Variants in NSUN5 observed in about 807,000 individuals in gnomAD.
NSUN5 encodes 28S rRNA (cytosine-C(5))-methyltransferase.
NSUN5 carries 39 observed loss-of-function variants against 51.1 expected under a neutral mutation model. The observed-to-expected ratio is 0.76, with a 90% confidence interval of 0.59 to 1.00. NSUN5 has a LOEUF of 1.00. NSUN5 is among the 50% of genes least tolerant of loss of function. NSUN5 has a pLI of 0.00. For missense variants in NSUN5, 526 were observed against 614.0 expected, an observed-to-expected ratio of 0.86 and a Z score of 1.51; for synonymous variants, 266 against 271.5, an observed-to-expected ratio of 0.98 and a Z score of 0.20.
chr7:73,303,375 C>T lies in NSUN5; in HGVS notation c.*40G>A, dbSNP rs782658053. ...GGTCCTCCACGGAGAGGACAGGCAT[C>T]TTCCTTTCCCACCAGGAAGGAGTCA... is the stretch of plus-strand genomic sequence containing the variant. On this transcript the variant is annotated 3_prime_UTR_variant, in exon 10 of 10. Transcript: ENST00000438747. The T allele has an allele frequency of 6.2e-7, 1 of 1,614,054 alleles. No individual in the cohort carries two copies. The highest frequency in any genetic ancestry group is 8.5e-7 in the Non-Finnish European group (1 of 1,179,920).
Position 73,304,636 on chromosome 7 carries a change from C to T in NSUN5, c.755+111G>A, listed in dbSNP as rs1803958864. 16 of 1,029,482 alleles carry T rather than the reference C, an allele frequency of 1.6e-5. No homozygotes were observed. The South Asian group carries it at 2.1e-4, about 14-fold the overall frequency. The allele number at this position is 1,029,482 out of a possible 1,614,324, so 63.8% of individuals were successfully genotyped here. ...AGCTTGGGGCAAATACCGTGAACTG[C>T]TTTGGTGCAGCAAGAAAGACTTAAG... is the stretch of plus-strand genomic sequence containing the variant. On this transcript the variant is annotated intron_variant, in intron 6 of 9. Transcript: ENST00000438747.
At chr7:73,305,311 T>C (rs1554541681) in intron 4 of NSUN5, among the ~76,000 whole-genome samples, 5 of 152,176 alleles carry the variant, frequency 3.3e-5, no homozygotes. Context: ...AGTGGGAGCC[T>C]GGGCAAATGA....
rs559748496 is a variant in NSUN5 at position 73,304,338 on chromosome 7, C to T, written c.826G>A (p.Val276Ile). The change falls in exon 7 of 10, where the codon GTC (valine) becomes ATC (isoleucine). Residue 276 changes from valine (V) to isoleucine (I), a missense_variant. Coordinates refer to ENST00000438747, the MANE Select transcript of NSUN5 (RefSeq NM_148956.4). ...TCCTCAGCCAGTTCACAGCAAGAGA[C>T]GCCAGCCCGGGCCAGCAGCGTGGCC... ...SMATLLARAG[V>I]SCCELAEEDF... The T allele has an allele frequency of 3.5e-5, 56 of 1,614,140 alleles. No individual in the cohort carries two copies. The highest frequency in any genetic ancestry group is 4.5e-5 in the East Asian group (2 of 44,876).
In NSUN5 at chr7:73,307,652, G is replaced by T. The variant is rs141373222; in HGVS notation, c.322C>A (p.Arg108=). 5 of 1,609,082 alleles carry T rather than the reference G, an allele frequency of 3.1e-6. No individual in the cohort carries two copies. The South Asian group carries it at 5.5e-5, about 18-fold the overall frequency. The part of the protein sequence containing the change: ...HQARLKAELA[R]LKVHRGVSRN... Reference sequence around the variant, plus strand: ...CTCACACCCCGATGAACCTTGAGCCGAGCCAACTCAGCCTTGAGCCTCGCC... The same window carrying T: ...CTCACACCCCGATGAACCTTGAGCCTAGCCAACTCAGCCTTGAGCCTCGCC... Residue 108 remains arginine (R), a synonymous_variant, in exon 3 of 10, where the codon CGG becomes AGG. Transcript: ENST00000438747.
At chr7:73,304,705 G>C in intron 6 of NSUN5, 42 bp downstream of exon 6, 1 of 1,476,264 alleles carries the variant, frequency 6.8e-7, no homozygotes, top group Non-Finnish European at 9.5e-7. Flanking sequence ...GAAAGGCACA[G>C]AATCAAACCC....
chr7:73,303,143 C>T lies in NSUN5; in HGVS notation c.*272G>A. ...TCCATTACAAATAGAGACTTCATTC[C>T]TGTTGAGTCTAGTTGGAACTTTTAG... On this transcript the variant is annotated 3_prime_UTR_variant, in exon 10 of 10. Coordinates refer to ENST00000438747, the MANE Select transcript of NSUN5 (RefSeq NM_148956.4). 3.5e-6 allele frequency: 5 copies of T among 1,441,702 alleles called. No individual in the cohort carries two copies. Among genetic ancestry groups the T allele is most frequent in the Non-Finnish European group, 4.5e-6 (5 of 1,101,300 alleles). The allele number at this position is 1,441,702 out of a possible 1,614,324, so 89.3% of individuals were successfully genotyped here.
At chr7:73,306,111 C>T (rs1318088924) in intron 4 of NSUN5, among the ~76,000 whole-genome samples, 4 of 152,032 alleles carry the variant, frequency 2.6e-5, no homozygotes, top group Admixed American at 6.6e-5. Context: ...TGGCCGGGCA[C>T]GGTGACTCAC....
In NSUN5 at chr7:73,308,422, T is replaced by C; in HGVS notation, c.216+9A>G. 1 of 1,587,160 alleles carries C rather than the reference T, an allele frequency of 6.3e-7. No homozygotes were observed. Among genetic ancestry groups the C allele is most frequent in the Non-Finnish European group, 8.6e-7 (1 of 1,163,736 alleles). ...GGGGTTCACTTCCCCGTCCCTCCCC[T>C]CCCCTCACCTTGGCCAGGTGCGGCC... On this transcript the variant is annotated intron_variant, in intron 2 of 9. Transcript: ENST00000438747.
chr7:73,303,972 G>T lies in NSUN5; in HGVS notation c.999C>A (p.Ala333=), dbSNP rs1216230524. The change falls in exon 8 of 10, where the codon GCC becomes GCA. Residue 333 remains alanine (A), a synonymous_variant. Transcript: ENST00000438747. ...GGGCTCGCTGCTGGAACCCTGCCAG[G>T]GCATGCAGACGCACCGGGCTAGGTG... ...AGTPSPVRLH[A]LAGFQQRALC... is the part of the protein sequence containing the mutation. 6.2e-7 allele frequency: 1 copy of T among 1,614,052 alleles called. No homozygotes were observed. Among genetic ancestry groups the T allele is most frequent in the East Asian group, 2.2e-5 (1 of 44,892 alleles).
chr7:73,305,593 T>G (rs1472768309), intron 4 of NSUN5, among the ~76,000 whole-genome samples: 2 of 151,196 alleles, frequency 1.3e-5, no homozygotes, highest in African/African-American at 4.9e-5. Flanking sequence ...GCCTCCCGAG[T>G]AGCAGAAAAA....
chr7:73,303,589 C>A lies in NSUN5; in HGVS notation c.1286+11G>T. 6.2e-7 allele frequency: 1 copy of A among 1,614,218 alleles called. No individual in the cohort carries two copies. Among genetic ancestry groups the A allele is most frequent in the Non-Finnish European group, 8.5e-7 (1 of 1,180,034 alleles). ...ATCCTGCGCCTCCCAAGCACGCCCC[C>A]ACTCACTCACCTTGGCACCTCGACC... On this transcript the variant is annotated intron_variant, in intron 9 of 9. Coordinates refer to ENST00000438747, the MANE Select transcript of NSUN5 (RefSeq NM_148956.4).
At position 73,308,432 on chromosome 7, in the gene NSUN5, T is replaced by G; in HGVS notation, c.215A>C (p.Lys72Thr). ...TCCCCGTCCCTCCCCTCCCCTCACC[T>G]TGGCCAGGTGCGGCCGCAGCTTCTT... Reference protein sequence around the residue: ...AEKKLRPHLAKVLVYELLLGK... With the variant: ...AEKKLRPHLATVLVYELLLGK... The change falls in exon 2 of 10, where the codon AAG (lysine) becomes ACG (threonine). Residue 72 changes from lysine to threonine, a missense_variant and splice_region_variant. Physicochemically the swap from Lys to Thr is moderately conservative, Grantham distance 78 (BLOSUM62 -1). Transcript: ENST00000438747. The G allele has an allele frequency of 6.3e-7, 1 of 1,599,054 alleles. No individual in the cohort carries two copies. Among genetic ancestry groups the G allele is most frequent in the Non-Finnish European group, 8.5e-7 (1 of 1,170,786 alleles).
chr7:73,305,639 G>A (rs550550493), intron 4 of NSUN5, among the ~76,000 whole-genome samples: 17 of 152,048 alleles, frequency 1.1e-4, no homozygotes, highest in South Asian at 2.1e-4. Context: ...ATGCAGGGAG[G>A]TGAGAGCTGA....
intron 4 of NSUN5, among the ~76,000 whole-genome samples, chr7:73,307,183 A>G (rs1265172429): frequency 1.3e-5 from 2 of 152,146 alleles, no homozygotes; most frequent in African/African-American, 4.8e-5. Context: ...AAAGCTAGAG[A>G]AAAAACGGAG....
chr7:73,305,694 G>A (rs1804011445), intron 4 of NSUN5, among the ~76,000 whole-genome samples: 2 of 151,936 alleles, frequency 1.3e-5, no homozygotes, highest in South Asian at 2.1e-4. Context: ...AGGCGCTTAG[G>A]TTAAAACTAC....
At chr7:73,305,141 G>A (rs781971514) in intron 4 of NSUN5, 44 bp from the exon 5 acceptor site, 2 of 1,602,914 alleles carry the variant, frequency 1.2e-6, no homozygotes, top group Non-Finnish European at 8.5e-7. Context: ...ATTTCTCCCT[G>A]CCAGGCCCCA....
Position 73,307,522 on chromosome 7 carries a change from C to A in NSUN5, c.392-20G>T. ...GGGAGGCTACGTAGGACGCAATGAG[C>A]AGTGAGTAGGCAGGAGCAAAGTTCC... On this transcript the variant is annotated intron_variant, in intron 3 of 9. Coordinates refer to ENST00000438747, the MANE Select transcript of NSUN5 (RefSeq NM_148956.4). The A allele has an allele frequency of 6.2e-7, 1 of 1,613,892 alleles. No individual in the cohort carries two copies. The highest frequency in any genetic ancestry group is 8.5e-7 in the Non-Finnish European group (1 of 1,179,832).
At position 73,303,292 on chromosome 7, in the gene NSUN5, A is replaced by C; in HGVS notation, c.*123T>G. ...TTGCTCACCAGCAAGAACACAGCCC[A>C]AGGAAGGGACCCAATAACCTTTCAA... is the stretch of plus-strand genomic sequence containing the variant. On this transcript the variant is annotated 3_prime_UTR_variant, in exon 10 of 10. Transcript: ENST00000438747. 6.2e-7 allele frequency: 1 copy of C among 1,613,386 alleles called. No individual in the cohort carries two copies. The highest frequency in any genetic ancestry group is 8.5e-7 in the Non-Finnish European group (1 of 1,179,452).
chr7:73,304,828 G>A lies in NSUN5; in HGVS notation c.674C>T (p.Pro225Leu), dbSNP rs573175425. 32 of 1,613,606 alleles carry A rather than the reference G, an allele frequency of 2.0e-5. No individual in the cohort carries two copies. Among genetic ancestry groups the A allele is most frequent in the South Asian group, 1.6e-4 (15 of 91,064 alleles). The change falls in exon 6 of 10, where the codon CCG becomes CTG. Residue 225 changes from proline (P) to leucine (L), a missense_variant. Pro to Leu is a moderately conservative substitution (Grantham distance 98). Transcript: ENST00000438747. The part of the protein sequence containing the change: ...SCLPAMLLDP[P>L]PGSHVIDACA... Reference sequence around the variant, plus strand: ...GGCATCGATGACATGGGAGCCTGGCGGGGGGTCCAGCAGCATGGCTGGGAG... The same window carrying A: ...GGCATCGATGACATGGGAGCCTGGCAGGGGGTCCAGCAGCATGGCTGGGAG...
Sources: gnomAD v4.1 joint callset for allele counts (sites outside exome capture counted in the v4.1 genomes callset) on GRCh38, gnomAD v4.1.1 for gene constraint, MANE v1.5 for transcripts, NCBI Gene and HGNC (gene_info 2026-07-23, HGNC 2026-07-21) for gene names.